Variants in NKAIN2 observed in about 807,000 individuals in gnomAD.
NKAIN2 encodes the protein sodium/potassium-transporting ATPase subunit beta-1-interacting protein 2.
A neutral mutation model predicts 32.6 loss-of-function variants in NKAIN2; 14 were observed. The observed-to-expected ratio is 0.43, with a 90% CI of 0.28 to 0.67. NKAIN2 has a LOEUF of 0.67. Among genes scored for constraint, NKAIN2 ranks in the 30% least tolerant of loss-of-function variants. The pLI is 0.17. For synonymous variants in NKAIN2, 80 were observed against 87.2 expected (o/e 0.92, Z 0.46); for missense variants, 198 against 258.3 (o/e 0.77, Z 1.60).
At chr6:123,949,197 C>T (rs1012781876) in intron 1 of NKAIN2, among the ~76,000 whole-genome samples, 1 of 151,932 alleles carries the variant, frequency 6.6e-6, no homozygotes, top group East Asian at 1.9e-4. Context: ...AATAAAGATG[C>T]AGGCATCATA....
rs1786852085 is a variant in NKAIN2 at position 124,137,207 on chromosome 6, AC to A, written c.55-145796del. Among the ~76,000 whole-genome samples the A allele has an allele frequency of 2.0e-5, 3 of 152,158 alleles. No homozygotes were observed. In the South Asian group the frequency reaches 6.2e-4, roughly 31 times the overall value. ...AGACAAATTAGTAGCAGTGCTATAC[AC>A]CAACAACAACCAAACTGAGAATTAC... On this transcript the variant is annotated intron_variant, in intron 1 of 6. Coordinates refer to ENST00000368417, the MANE Select transcript of NKAIN2 (RefSeq NM_001040214.3).
intron 3 of NKAIN2, among the ~76,000 whole-genome samples, chr6:124,605,948 T>A (rs996743499): frequency 1.3e-5 from 2 of 152,062 alleles, no homozygotes; most frequent in Non-Finnish European, 1.5e-5. Context: ...CCAATGGTTT[T>A]GTTTCTGTGC....
At chr6:124,534,187 T>G (rs549197084) in intron 3 of NKAIN2, among the ~76,000 whole-genome samples, 3 of 152,136 alleles carry the variant, frequency 2.0e-5, no homozygotes, top group Non-Finnish European at 4.4e-5. Context: ...AGTCTCATTC[T>G]GTTGCCCAGA....
chr6:124,098,318 C>T (rs1298861671), intron 1 of NKAIN2, among the ~76,000 whole-genome samples: 1 of 152,100 alleles, frequency 6.6e-6, no homozygotes, highest in Non-Finnish European at 1.5e-5. Flanking sequence ...AGGGATCATG[C>T]ATTATTTGAA....
At position 124,452,552 on chromosome 6, in the gene NKAIN2, G is replaced by C. The variant is rs569467708; in HGVS notation, c.273+97205G>C. On this transcript the variant is annotated intron_variant, in intron 3 of 6. Transcript: ENST00000368417. ...AAATATGTAACCTTTTTACTGATAG[G>C]AGTATGAAATAAAAATAAACATTTG... 7.2e-5 allele frequency among the ~76,000 whole-genome samples: 11 copies of C among 152,100 alleles called. No homozygotes were observed. The South Asian group carries it at 2.1e-3, about 29-fold the overall frequency.
intron 3 of NKAIN2, among the ~76,000 whole-genome samples, chr6:124,492,375 TTTCCTACAGTTCAGTTAAATG>T (rs1237517171): frequency 1.3e-5 from 2 of 152,026 alleles, no homozygotes; most frequent in Non-Finnish European, 2.9e-5. Context: ...TTCAGTCAAA[TTTCCTACAGTTCAGTTAAATG>T]TTCCTACGGT....
chr6:123,832,063 G>T (rs1774409930), intron 1 of NKAIN2, among the ~76,000 whole-genome samples: 1 of 152,112 alleles, frequency 6.6e-6, no homozygotes, highest in Admixed American at 6.5e-5. Context: ...ATAGTGGCCA[G>T]TATCCATCAT....
At position 124,077,772 on chromosome 6, in the gene NKAIN2, T is replaced by C. The variant is rs546343600; in HGVS notation, c.55-205233T>C. Among the ~76,000 whole-genome samples, 139 of 151,958 alleles carry C rather than the reference T, an allele frequency of 9.1e-4. 1 individual carries two copies. Among genetic ancestry groups the C allele is most frequent in the African/African-American group, 3.1e-3 (130 of 41,454 alleles). On this transcript the variant is annotated intron_variant, in intron 1 of 6. Coordinates refer to ENST00000368417, the MANE Select transcript of NKAIN2 (RefSeq NM_001040214.3). ...CCACCACACCCAGCTATTTTTTTTT[T>C]ATTTTTTGTGGAGTTGAAGGCTTCA...
intron 3 of NKAIN2, among the ~76,000 whole-genome samples, chr6:124,595,911 A>T (rs2114970293): frequency 6.6e-6 from 1 of 152,224 alleles, no homozygotes; most frequent in Admixed American, 6.5e-5. Flanking sequence ...GGCCAAACTG[A>T]TTTGGCAGCT....
chr6:124,374,434 C>G (rs779149200), intron 3 of NKAIN2, among the ~76,000 whole-genome samples: 23 of 152,056 alleles, frequency 1.5e-4, no homozygotes, highest in Admixed American at 3.9e-4. Context: ...TTACCTATGA[C>G]CTATGAAACT....
At chr6:124,572,320 A>G (rs1295678781) in intron 3 of NKAIN2, among the ~76,000 whole-genome samples, 7 of 152,244 alleles carry the variant, frequency 4.6e-5, no homozygotes, top group Admixed American at 4.6e-4. Flanking sequence ...ACCAGTATGT[A>G]GACATACCCT....
intron 3 of NKAIN2, among the ~76,000 whole-genome samples, chr6:124,588,068 G>A (rs940577159): frequency 6.6e-6 from 1 of 152,082 alleles, no homozygotes; most frequent in African/African-American, 2.4e-5. Flanking sequence ...GATGATATAG[G>A]TTCCGCTGCA....
At chr6:124,618,196 G>A (rs762683925) in intron 3 of NKAIN2, among the ~76,000 whole-genome samples, 3 of 152,130 alleles carry the variant, frequency 2.0e-5, no homozygotes, top group Non-Finnish European at 2.9e-5. Context: ...AACAAATTCT[G>A]GCTGGGCGTG....
intron 2 of NKAIN2, among the ~76,000 whole-genome samples, chr6:124,287,570 G>A (rs1337500296): frequency 6.6e-6 from 1 of 152,124 alleles, no homozygotes; most frequent in Non-Finnish European, 1.5e-5. Context: ...TGAAATAGAT[G>A]TTTTCAGGTC....
chr6:124,730,829 T>C (rs1283572918), intron 4 of NKAIN2, among the ~76,000 whole-genome samples: 3 of 150,444 alleles, frequency 2.0e-5, no homozygotes, highest in Non-Finnish European at 4.4e-5. Context: ...AGGGCTAATA[T>C]CCAGAATCTA....
At chr6:124,465,495 G>T (rs143038795) in intron 3 of NKAIN2, among the ~76,000 whole-genome samples, 2,119 of 152,148 alleles carry the variant, frequency 0.014, 27 homozygotes, top group Middle Eastern at 0.02. Flanking sequence ...GTGGGGGCTA[G>T]ATGAGGGACA....
intron 1 of NKAIN2, among the ~76,000 whole-genome samples, chr6:123,853,580 A>G (rs939248577): frequency 4.6e-5 from 7 of 152,144 alleles, no homozygotes; most frequent in African/African-American, 1.4e-4. Context: ...ACATAAGAAA[A>G]AAAGAAATAC....
chr6:123,913,275 TA>T (rs1382138466), intron 1 of NKAIN2, among the ~76,000 whole-genome samples: 1 of 152,156 alleles, frequency 6.6e-6, no homozygotes, highest in Non-Finnish European at 1.5e-5. Context: ...AAATAGGGCC[TA>T]AAATCAGCTA....
intron 3 of NKAIN2, among the ~76,000 whole-genome samples, chr6:124,418,245 C>A (rs1774583984): frequency 6.6e-6 from 1 of 151,804 alleles, no homozygotes; most frequent in African/African-American, 2.4e-5. Context: ...TTCAGAGTAA[C>A]TTGTAACAAA....
Sources: allele counts gnomAD v4.1 joint callset (sites outside exome capture counted in the v4.1 genomes callset), GRCh38; gene constraint gnomAD v4.1.1; transcripts MANE v1.5; gene names NCBI Gene and HGNC (gene_info 2026-07-23, HGNC 2026-07-21).